RBFOX1: variants seen among roughly 807,000 people sequenced by gnomAD.
RBFOX1 encodes RNA binding fox-1 homolog 1, also known as RNA binding protein fox-1 homolog 1.
Under a neutral mutation model 57.7 loss-of-function variants are expected in RBFOX1, and 8 were observed. That is an observed-to-expected ratio of 0.14 (90% CI 0.08 to 0.25). The LOEUF (loss-of-function observed/expected upper bound fraction) is 0.25, where lower values mean the gene tolerates loss of function less well. Ranked by LOEUF, RBFOX1 falls within the 10% of genes least tolerant of loss-of-function variation. RBFOX1 has a pLI of 1.00. For missense variants in RBFOX1, 611 were observed against 548.5 expected (o/e 1.11, Z -1.14); for synonymous variants, 326 against 222.4 (o/e 1.47, Z -4.15).
At chr16:7,333,144 A>G in intron 4 of RBFOX1, 1 of 1,527,556 alleles carries the variant, frequency 6.5e-7, no homozygotes, top group Non-Finnish European at 9.1e-7. Flanking sequence ...CAGAGTAATA[A>G]TTGGAATTTT....
chr16:5,713,109 T>C (rs2051556363), intron 3 of RBFOX1, among the ~76,000 whole-genome samples: 1 of 152,220 alleles, frequency 6.6e-6, no homozygotes, highest in Non-Finnish European at 1.5e-5. Context: ...TCCAAAACTT[T>C]TCTCTAGTTG....
chr16:6,446,320 ATAT>A (rs951614038), intron 2 of RBFOX1, among the ~76,000 whole-genome samples: 3 of 152,150 alleles, frequency 2.0e-5, no homozygotes, highest in Non-Finnish European at 4.4e-5. Context: ...GCTTTTAAAA[ATAT>A]TATTGGTTTC....
At chr16:6,932,017 G>A (rs1313253071) in intron 3 of RBFOX1, among the ~76,000 whole-genome samples, 1 of 152,162 alleles carries the variant, frequency 6.6e-6, no homozygotes, top group Non-Finnish European at 1.5e-5. Flanking sequence ...ACTGACACCT[G>A]CAGTAGCTAA....
intron 12 of RBFOX1, among the ~76,000 whole-genome samples, chr16:7,660,559 C>A (rs983486089): frequency 6.6e-6 from 1 of 152,194 alleles, no homozygotes; most frequent in Non-Finnish European, 1.5e-5. Flanking sequence ...TGAGAACTTT[C>A]CCGTAACCAG....
chr16:5,969,599 G>A (rs757207314), intron 4 of RBFOX1, among the ~76,000 whole-genome samples: 30 of 151,276 alleles, frequency 2.0e-4, no homozygotes, highest in Non-Finnish European at 3.7e-4. Context: ...TGGGATTACA[G>A]GTGTGAACCA....
intron 2 of RBFOX1, among the ~76,000 whole-genome samples, chr16:6,367,919 T>C (rs961778051): frequency 1.3e-5 from 2 of 152,190 alleles, no homozygotes; most frequent in African/African-American, 4.8e-5. Context: ...TGTTCCAACT[T>C]AACTTTTTGC....
chr16:6,301,788 A>C (rs947753148), intron 1 of RBFOX1, among the ~76,000 whole-genome samples: 7 of 152,240 alleles, frequency 4.6e-5, no homozygotes, highest in Non-Finnish European at 1.0e-4. Context: ...GACCCAAAAC[A>C]TGAGGCTTTA....
At chr16:7,331,700 C>T (rs1001341659) in intron 4 of RBFOX1, among the ~76,000 whole-genome samples, 4 of 152,036 alleles carry the variant, frequency 2.6e-5, no homozygotes, top group African/African-American at 9.7e-5. Context: ...CTCAGTTTTC[C>T]AAATGAGTGA....
At chr16:6,594,479 G>C (rs748515171) in intron 2 of RBFOX1, among the ~76,000 whole-genome samples, 1 of 152,186 alleles carries the variant, frequency 6.6e-6, no homozygotes, top group Non-Finnish European at 1.5e-5. Flanking sequence ...CCCAGGTGAA[G>C]AGGCTGCCCA....
At chr16:6,838,047 C>T (rs1381478642) in intron 3 of RBFOX1, among the ~76,000 whole-genome samples, 1 of 151,274 alleles carries the variant, frequency 6.6e-6, no homozygotes, top group Non-Finnish European at 1.5e-5. Flanking sequence ...TTCCGGGATG[C>T]ATGTGCAGAA....
chr16:6,064,186 C>A (rs1358539794), intron 1 of RBFOX1, among the ~76,000 whole-genome samples: 3 of 152,136 alleles, frequency 2.0e-5, no homozygotes, highest in Non-Finnish European at 4.4e-5. Context: ...CCTATTCTTG[C>A]ATTATGAAAG....
intron 4 of RBFOX1, among the ~76,000 whole-genome samples, chr16:7,510,488 TG>T (rs2074744111): frequency 4.3e-4 from 2 of 4,644 alleles, no homozygotes; most frequent in East Asian, 6.4e-3. Context: ...TATGTGTGTC[TG>T]TGTGTGTGTG....
chr16:5,914,511 C>T (rs12928074), intron 4 of RBFOX1, among the ~76,000 whole-genome samples: 9,545 of 151,988 alleles, frequency 0.063, 368 homozygotes, highest in African/African-American at 0.1. Flanking sequence ...GTTGGCCAGC[C>T]TCAGTTCCCC....
chr16:7,684,220 T>C (rs868341146), intron 14 of RBFOX1, among the ~76,000 whole-genome samples: 1 of 152,086 alleles, frequency 6.6e-6, no homozygotes, highest in Non-Finnish European at 1.5e-5. Flanking sequence ...AAATGACTTA[T>C]GGCTTCCTTG....
chr16:7,074,357 C>T lies in RBFOX1; in HGVS notation c.27+22259C>T, dbSNP rs551474140. ...TGTTAGGTTGATGCAAAAGTAATTA[C>T]GGCTTTTGCCATTAAAATGATAATA... On this transcript the variant is annotated intron_variant, in intron 4 of 15. Coordinates refer to ENST00000550418, the MANE Select transcript of RBFOX1 (RefSeq NM_018723.4). Among the ~76,000 whole-genome samples the T allele has an allele frequency of 1.2e-3, 182 of 152,298 alleles. 1 individual carries two copies. The highest frequency in any genetic ancestry group is 0.01 in the Middle Eastern group (3 of 294).
rs192430373 is a variant in RBFOX1 at position 7,546,198 on chromosome 16, G to A, written c.270+27809G>A. On this transcript the variant is annotated intron_variant, in intron 5 of 15. Coordinates refer to ENST00000550418, the MANE Select transcript of RBFOX1 (RefSeq NM_018723.4). ...AAAAATCAGCCAGGCATGGTGGCAC[G>A]GGCCAGTAATCCCAGGTACTTAGGA... Among the ~76,000 whole-genome samples, 306 of 151,944 alleles carry A rather than the reference G, an allele frequency of 2.0e-3. 10 individuals are homozygous for A. Among genetic ancestry groups the A allele is most frequent in the Admixed American group, 0.015 (233 of 15,256 alleles).
intron 2 of RBFOX1, among the ~76,000 whole-genome samples, chr16:6,505,471 T>A (rs2153191606): frequency 6.6e-6 from 1 of 152,266 alleles, no homozygotes; most frequent in Middle Eastern, 3.4e-3. Context: ...CCAAATAAAA[T>A]CAGAATTGAA....
intron 4 of RBFOX1, among the ~76,000 whole-genome samples, chr16:7,169,779 A>G (rs1052231673): frequency 2.6e-5 from 4 of 152,156 alleles, no homozygotes; most frequent in African/African-American, 7.2e-5. Context: ...CATTTTAAAA[A>G]TGTATAATTG....
At chr16:6,185,607 A>G (rs900522365) in intron 1 of RBFOX1, among the ~76,000 whole-genome samples, 1 of 152,202 alleles carries the variant, frequency 6.6e-6, no homozygotes, top group African/African-American at 2.4e-5. Context: ...TTAAGTACCA[A>G]TGTACACAGA....
Sources: gnomAD v4.1 joint callset for allele counts (sites outside exome capture counted in the v4.1 genomes callset) on GRCh38, gnomAD v4.1.1 for gene constraint, MANE v1.5 for transcripts, NCBI Gene and HGNC (gene_info 2026-07-23, HGNC 2026-07-21) for gene names.